Variants in DPP6 observed in about 807,000 individuals in gnomAD.
The protein encoded by DPP6 is dipeptidyl peptidase like 6.
A neutral mutation model predicts 122.6 loss-of-function variants in DPP6; 69 were observed. The observed-to-expected ratio is 0.56, with a 90% CI of 0.46 to 0.69. The LOEUF (loss-of-function observed/expected upper bound fraction) is 0.69, where lower values mean the gene tolerates loss of function less well. Ranked by LOEUF, DPP6 falls within the 30% of genes least tolerant of loss-of-function variation. The pLI, the probability that DPP6 is intolerant of heterozygous loss-of-function variation, is 0.00. For missense variants in DPP6, 928 were observed against 1,116.9 expected (o/e 0.83, Z 2.41); for synonymous variants, 418 against 433.1 (o/e 0.97, Z 0.43).
intron 3 of DPP6, among the ~76,000 whole-genome samples, chr7:154,477,270 C>G (rs923995982): frequency 2.5e-4 from 15 of 59,486 alleles, no homozygotes; most frequent in Non-Finnish European, 5.0e-4. Flanking sequence ...CCACCACCAG[C>G]AGCACCAGCA....
At chr7:154,784,297 C>G (rs1247496867) in intron 10 of DPP6, among the ~76,000 whole-genome samples, 1 of 152,096 alleles carries the variant, frequency 6.6e-6, no homozygotes, top group Non-Finnish European at 1.5e-5. Flanking sequence ...TGAGCCAGAC[C>G]TCGGCCCCAG....
intron 8 of DPP6, among the ~76,000 whole-genome samples, chr7:154,731,552 A>G (rs1842341439): frequency 6.6e-6 from 1 of 152,290 alleles, no homozygotes; most frequent in South Asian, 2.1e-4. Context: ...CTGGCTGTGA[A>G]CTCAGCACTG....
chr7:154,312,182 A>G (rs1336178096), intron 1 of DPP6, among the ~76,000 whole-genome samples: 1 of 152,180 alleles, frequency 6.6e-6, no homozygotes, highest in Non-Finnish European at 1.5e-5. Context: ...GTATCAGGCA[A>G]GTACCAAATT....
At chr7:154,575,589 GGTGTATGTGTGTGGTGT>G (rs1831595537) in intron 5 of DPP6, among the ~76,000 whole-genome samples, 1 of 106,294 alleles carries the variant, frequency 9.4e-6, no homozygotes, top group Non-Finnish European at 1.8e-5. Context: ...TGTGTGAGCG[GGTGTATGTGTGTGGTGT>G]GTGTATGTGT....
chr7:154,809,054 T>G (rs527991640), intron 16 of DPP6, among the ~76,000 whole-genome samples: 1 of 152,212 alleles, frequency 6.6e-6, no homozygotes, highest in East Asian at 1.9e-4. Context: ...GACAGCAACT[T>G]TATGGATTTG....
intron 1 of DPP6, among the ~76,000 whole-genome samples, chr7:154,151,494 C>T (rs1796418827): frequency 6.6e-6 from 1 of 152,248 alleles, no homozygotes; most frequent in Non-Finnish European, 1.5e-5. Flanking sequence ...GCCATCATTG[C>T]TTCCAATTGT....
intron 1 of DPP6, among the ~76,000 whole-genome samples, chr7:154,271,249 C>T (rs868710374): frequency 3.3e-5 from 5 of 152,114 alleles, no homozygotes; most frequent in African/African-American, 7.2e-5. Flanking sequence ...ATTTATGTGT[C>T]GATCCAATCA....
At chr7:154,786,276 G>C (rs7800843) in intron 10 of DPP6, among the ~76,000 whole-genome samples, 56,624 of 152,024 alleles carry the variant, frequency 0.37, 11,928 homozygotes, top group African/African-American at 0.58. Flanking sequence ...CTCTTTATTC[G>C]TCAAAGCTAG....
chr7:154,407,713 T>C (rs1816239520), intron 1 of DPP6, among the ~76,000 whole-genome samples: 2 of 152,194 alleles, frequency 1.3e-5, no homozygotes, highest in Non-Finnish European at 2.9e-5. Flanking sequence ...TGCATTTTTA[T>C]AGGAGTTGAT....
intron 2 of DPP6, among the ~76,000 whole-genome samples, chr7:154,454,263 T>C (rs1206132249): frequency 6.6e-6 from 1 of 152,232 alleles, no homozygotes; most frequent in East Asian, 1.9e-4. Context: ...TGCAGCGGAC[T>C]GACTGGATTG....
At chr7:153,989,427 C>T (rs142713880) in intron 1 of DPP6, among the ~76,000 whole-genome samples, 1,164 of 146,112 alleles carry the variant, frequency 8.0e-3, no homozygotes, top group African/African-American at 0.024. Flanking sequence ...CAGGGCGGGC[C>T]GCGCTTGGCA....
the DPP6 span, among the ~76,000 whole-genome samples, chr7:153,853,288 C>T: frequency 2.0e-5 from 3 of 152,150 alleles, no homozygotes; most frequent in African/African-American, 2.4e-5. Context: ...AACCTGATCT[C>T]GTTCACTTCT....
intron 1 of DPP6, among the ~76,000 whole-genome samples, chr7:154,273,243 C>T (rs976597741): frequency 2.6e-5 from 4 of 151,980 alleles, no homozygotes; most frequent in African/African-American, 4.8e-5. Flanking sequence ...CTGTGAGGCC[C>T]GACACTATGG....
chr7:154,148,527 G>A (rs1796236761), intron 1 of DPP6, among the ~76,000 whole-genome samples: 2 of 150,626 alleles, frequency 1.3e-5, no homozygotes, highest in Non-Finnish European at 3.0e-5. Context: ...AGGCACAGAG[G>A]TCACAAGGAG....
rs192417200 is a variant in DPP6, at chr7:154,606,342, T to C, written c.628-31479T>C. ...TAATCACTTCCTGATCAATTATTTC[T>C]TTTTATCATTAACTCTCCGTATTCC... On this transcript the variant is annotated intron_variant, in intron 5 of 25. Transcript: ENST00000377770. Among the ~76,000 whole-genome samples, 106 of 121,226 alleles carry C rather than the reference T, an allele frequency of 8.7e-4. 20 individuals carry two copies. The highest frequency in any genetic ancestry group is 2.7e-3 in the African/African-American group (102 of 38,204). The allele number at this position is 121,226 out of a possible 152,430, so 79.5% of individuals were successfully genotyped here.
At chr7:154,794,352 C>T (rs1797879507) in intron 11 of DPP6, 150 bp downstream of exon 11, 3 of 1,335,062 alleles carry the variant, frequency 2.2e-6, no homozygotes, top group Admixed American at 3.1e-5. Flanking sequence ...CGCAGAGTCC[C>T]GGCTCCGGCG....
intron 1 of DPP6, among the ~76,000 whole-genome samples, chr7:153,940,957 T>C (rs1801669887): frequency 6.6e-6 from 1 of 152,178 alleles, no homozygotes; most frequent in African/African-American, 2.4e-5. Context: ...TGCTCCCATC[T>C]CTGCACATGG....
At chr7:154,372,830 G>T (rs1044190617) in intron 1 of DPP6, among the ~76,000 whole-genome samples, 1 of 152,160 alleles carries the variant, frequency 6.6e-6, no homozygotes, top group African/African-American at 2.4e-5. Context: ...AGGGGTTAGA[G>T]TGCACCATCC....
chr7:154,027,779 T>C (rs1799019825), intron 1 of DPP6, among the ~76,000 whole-genome samples: 1 of 151,756 alleles, frequency 6.6e-6, no homozygotes, highest in Non-Finnish European at 1.5e-5. Flanking sequence ...CTTCCCCTTA[T>C]CCAAATGATA....
Sources: gnomAD v4.1 joint callset for allele counts (sites outside exome capture counted in the v4.1 genomes callset) on GRCh38, gnomAD v4.1.1 for gene constraint, MANE v1.5 for transcripts, NCBI Gene and HGNC (gene_info 2026-07-23, HGNC 2026-07-21) for gene names.